Variants in RALYL observed in about 807,000 individuals in gnomAD.
RALYL encodes RALY RNA binding protein like, also known as RNA-binding Raly-like protein.
Under a neutral mutation model 35.1 loss-of-function variants are expected in RALYL, and 29 were observed. That is an observed-to-expected ratio of 0.83 (90% CI 0.61 to 1.13). The LOEUF (loss-of-function observed/expected upper bound fraction) is 1.13, where lower values mean the gene tolerates loss of function less well. Among genes scored for constraint, RALYL ranks in the 50% most tolerant of loss-of-function variants. RALYL has a pLI of 0.00. For missense variants in RALYL, 359 were observed against 360.4 expected (o/e 1.00, Z 0.03); for synonymous variants, 120 against 127.6 (o/e 0.94, Z 0.40).
At chr8:84,879,958 A>T (rs1255453142) in intron 7 of RALYL, among the ~76,000 whole-genome samples, 2 of 152,098 alleles carry the variant, frequency 1.3e-5, no homozygotes, top group African/African-American at 4.8e-5. Context: ...CTGCAAAAAT[A>T]AAAGGCAGAA....
At chr8:84,900,468 G>A (rs1845481747) in intron 8 of RALYL, among the ~76,000 whole-genome samples, 1 of 152,046 alleles carries the variant, frequency 6.6e-6, no homozygotes, top group African/African-American at 2.4e-5. Context: ...CCTGAGGTTG[G>A]GAGTTCAAGA....
intron 1 of RALYL, among the ~76,000 whole-genome samples, chr8:84,512,084 T>G (rs2134430941): frequency 6.6e-6 from 1 of 152,262 alleles, no homozygotes; most frequent in South Asian, 2.1e-4. Context: ...GATCATATGG[T>G]CATTCTATTT....
intron 1 of RALYL, among the ~76,000 whole-genome samples, chr8:84,243,778 C>T (rs1563597745): frequency 1.3e-5 from 2 of 152,110 alleles, no homozygotes; most frequent in South Asian, 4.1e-4. Context: ...ACCCTTCTAG[C>T]TGGGCTGGTT....
At chr8:84,376,275 T>C (rs1176581853) in intron 1 of RALYL, among the ~76,000 whole-genome samples, 1 of 151,928 alleles carries the variant, frequency 6.6e-6, no homozygotes, top group Non-Finnish European at 1.5e-5. Context: ...CATCTGACAG[T>C]GCTTGACCAG....
At chr8:84,698,172 G>A (rs183243182) in intron 2 of RALYL, among the ~76,000 whole-genome samples, 78 of 152,104 alleles carry the variant, frequency 5.1e-4, no homozygotes, top group Admixed American at 9.8e-4. Flanking sequence ...TTGAACCTCG[G>A]TTCCCTTATC....
chr8:84,489,576 G>A (rs1360929673), intron 1 of RALYL, among the ~76,000 whole-genome samples: 1 of 152,030 alleles, frequency 6.6e-6, no homozygotes, highest in Admixed American at 6.6e-5. Context: ...CTGGCAAGCT[G>A]AAAAGGAATT....
At chr8:84,912,112 G>A (rs143755195) in intron 8 of RALYL, among the ~76,000 whole-genome samples, 19 of 152,182 alleles carry the variant, frequency 1.2e-4, no homozygotes, top group Non-Finnish European at 2.4e-4. Flanking sequence ...TCTTTCTGGA[G>A]ACCAACACTA....
At chr8:84,417,281 A>T (rs80289216) in intron 1 of RALYL, among the ~76,000 whole-genome samples, 4,513 of 152,172 alleles carry the variant, frequency 0.03, 217 homozygotes, top group African/African-American at 0.1. Context: ...CAAGAGAGTC[A>T]GTTTTTTCTG....
intron 1 of RALYL, among the ~76,000 whole-genome samples, chr8:84,476,594 C>T (rs1242867530): frequency 1.3e-5 from 2 of 152,140 alleles, no homozygotes; most frequent in African/African-American, 4.8e-5. Context: ...GTTCTTGTCT[C>T]ATATTTACTC....
At chr8:84,839,095 T>C (rs1371229812) in intron 4 of RALYL, among the ~76,000 whole-genome samples, 1 of 152,162 alleles carries the variant, frequency 6.6e-6, no homozygotes, top group Non-Finnish European at 1.5e-5. Flanking sequence ...CAGGTTCATC[T>C]CACTGGAGAG....
chr8:84,594,135 G>C (rs557833813), intron 2 of RALYL, among the ~76,000 whole-genome samples: 120 of 151,780 alleles, frequency 7.9e-4, no homozygotes, highest in Middle Eastern at 3.4e-3. Flanking sequence ...CATATTTCTG[G>C]CTTCTGATTT....
intron 2 of RALYL, among the ~76,000 whole-genome samples, chr8:84,689,151 A>G (rs923622378): frequency 3.9e-5 from 6 of 151,980 alleles, no homozygotes; most frequent in Non-Finnish European, 7.4e-5. Context: ...ATATGTATAC[A>G]TGTGCCATGC....
chr8:84,217,511 G>A (rs547889436), intron 1 of RALYL, among the ~76,000 whole-genome samples: 6 of 151,990 alleles, frequency 3.9e-5, no homozygotes, highest in Non-Finnish European at 8.8e-5. Context: ...ATGTTAAAAA[G>A]CTGGAGTGTA....
At chr8:84,856,322 G>T (rs1043035275) in intron 5 of RALYL, among the ~76,000 whole-genome samples, 1 of 152,114 alleles carries the variant, frequency 6.6e-6, no homozygotes, top group Admixed American at 6.6e-5. Flanking sequence ...CGTTTTAGTG[G>T]CTTATAACCC....
chr8:84,849,673 C>T (rs1477120076), intron 4 of RALYL, among the ~76,000 whole-genome samples: 1 of 152,006 alleles, frequency 6.6e-6, no homozygotes, highest in Non-Finnish European at 1.5e-5. Context: ...ATTCTCCTGC[C>T]TCAGCCTCCC....
At chr8:84,639,465 G>A (rs1825861692) in intron 2 of RALYL, among the ~76,000 whole-genome samples, 1 of 151,868 alleles carries the variant, frequency 6.6e-6, no homozygotes, top group Non-Finnish European at 1.5e-5. Context: ...CAAAAAAAGT[G>A]AGGAAAGGTA....
chr8:84,705,018 A>G (rs1353372472), intron 2 of RALYL, among the ~76,000 whole-genome samples: 2 of 152,216 alleles, frequency 1.3e-5, no homozygotes, highest in Non-Finnish European at 2.9e-5. Flanking sequence ...TTTCACTAGC[A>G]TGTGGGTCCT....
chr8:84,718,876 A>C (rs918509798), intron 2 of RALYL, among the ~76,000 whole-genome samples: 2 of 152,208 alleles, frequency 1.3e-5, no homozygotes, highest in Non-Finnish European at 2.9e-5. Context: ...ATTTGTTGAC[A>C]TCTCACCTTG....
intron 5 of RALYL, among the ~76,000 whole-genome samples, chr8:84,856,920 C>T (rs978690589): frequency 2.7e-5 from 4 of 148,092 alleles, no homozygotes; most frequent in East Asian, 4.0e-4. Context: ...CCCAGCTACT[C>T]GGGAGGCTGA....
Sources: allele counts gnomAD v4.1 joint callset (sites outside exome capture counted in the v4.1 genomes callset), GRCh38; gene constraint gnomAD v4.1.1; transcripts MANE v1.5; gene names NCBI Gene and HGNC (gene_info 2026-07-23, HGNC 2026-07-21).